GBE1: variants seen among roughly 807,000 people sequenced by gnomAD.
The protein encoded by GBE1 is 1,4-alpha-glucan-branching enzyme.
In GBE1, 70 loss-of-function variants were observed where a neutral mutation model predicts 88.8. The ratio of observed to expected loss-of-function variants is 0.79; its 90% confidence interval spans 0.65 to 0.96. GBE1 has a LOEUF of 0.96. Among genes scored for constraint, GBE1 ranks in the 40% least tolerant of loss-of-function variants. GBE1 has a pLI of 0.00. For missense variants in GBE1, 872 were observed against 871.0 expected, an observed-to-expected ratio of 1.00 and a Z score of -0.01; for synonymous variants, 284 against 300.1, an observed-to-expected ratio of 0.95 and a Z score of 0.56.
chr3:81,524,344 A>T (rs1334511570), intron 14 of GBE1, among the ~76,000 whole-genome samples: 1 of 151,596 alleles, frequency 6.6e-6, no homozygotes, highest in East Asian at 1.9e-4. Context: ...AGATTATTAA[A>T]TTTTTTCCTA....
At position 81,490,084 on chromosome 3, in the gene GBE1, A is replaced by C; in HGVS notation, c.*323T>G. The C allele has an allele frequency of 3.8e-6, 1 of 264,744 alleles. No homozygotes were observed. The highest frequency in any genetic ancestry group is 7.1e-6 in the Non-Finnish European group (1 of 140,854). The allele number at this position is 264,744 out of a possible 1,614,324, so 16.4% of individuals were successfully genotyped here. On this transcript the variant is annotated 3_prime_UTR_variant, in exon 16 of 16. Transcript: ENST00000429644. ...ATAATCATACATGACAAATGATTCAAATTTGAATTTAAAAGGATCAAATAA... is the reference window on the plus strand; with the variant it reads ...ATAATCATACATGACAAATGATTCACATTTGAATTTAAAAGGATCAAATAA...
Position 81,663,571 on chromosome 3 carries a change from G to C in GBE1, c.429+7267C>G, listed in dbSNP as rs543715656. Among the ~76,000 whole-genome samples, 124 of 152,282 alleles carry C rather than the reference G, an allele frequency of 8.1e-4. 1 individual carries two copies. The South Asian group carries it at 0.02, about 24-fold the overall frequency. On this transcript the variant is annotated intron_variant, in intron 3 of 15. Coordinates refer to ENST00000429644, the MANE Select transcript of GBE1 (RefSeq NM_000158.4). The stretch of plus-strand genomic sequence containing the variant: ...ACCTTGCATTCATTCTCCAAGCCCA[G>C]ATGTGATCCTATTCTTCCAGTATAC...
At chr3:81,729,560 A>G (rs1395299023) in intron 1 of GBE1, among the ~76,000 whole-genome samples, 1 of 152,214 alleles carries the variant, frequency 6.6e-6, no homozygotes, top group East Asian at 1.9e-4. Flanking sequence ...TTGGGAAGAA[A>G]GTAACTTAGA....
chr3:81,707,997 T>A (rs1388081916), intron 1 of GBE1, among the ~76,000 whole-genome samples: 1 of 152,044 alleles, frequency 6.6e-6, no homozygotes, highest in African/African-American at 2.4e-5. Flanking sequence ...TAATCACGTA[T>A]AACAAATAAC....
intron 2 of GBE1, among the ~76,000 whole-genome samples, chr3:81,676,650 T>G (rs1705259117): frequency 6.6e-6 from 1 of 152,132 alleles, no homozygotes; most frequent in South Asian, 2.1e-4. Flanking sequence ...TTTATTTTCT[T>G]TTTTATTTTA....
intron 11 of GBE1, among the ~76,000 whole-genome samples, chr3:81,579,561 C>T (rs1559651156): frequency 6.6e-6 from 1 of 152,068 alleles, no homozygotes; most frequent in Non-Finnish European, 1.5e-5. Flanking sequence ...TGGGAATTCA[C>T]TATGTGCTGC....
intron 7 of GBE1, among the ~76,000 whole-genome samples, chr3:81,615,070 T>A (rs766931032): frequency 1.2e-4 from 18 of 152,184 alleles, no homozygotes; most frequent in Non-Finnish European, 2.2e-4. Context: ...AGAATCTATT[T>A]GAAAATGTAT....
rs149271563 is a variant in GBE1 at position 81,663,351 on chromosome 3, C to T, written c.429+7487G>A. On this transcript the variant is annotated intron_variant, in intron 3 of 15. Transcript: ENST00000429644. Reference sequence around the variant, plus strand: ...CGTAAGCAGCTGGAAGGCAGGAGGACGCGGAGGGGGCACGCCAGCTGAAGA... The same window carrying T: ...CGTAAGCAGCTGGAAGGCAGGAGGATGCGGAGGGGGCACGCCAGCTGAAGA... Among the ~76,000 whole-genome samples the T allele has an allele frequency of 2.3e-3, 355 of 152,246 alleles. 2 individuals carry two copies. Among genetic ancestry groups the T allele is most frequent in the African/African-American group, 8.2e-3 (342 of 41,562 alleles).
chr3:81,750,577 GTATATATATACGTATATA>G (rs1706492659), intron 1 of GBE1, among the ~76,000 whole-genome samples: 2 of 35,220 alleles, frequency 5.7e-5, no homozygotes, highest in Admixed American at 7.0e-4. Flanking sequence ...ATATATATAC[GTATATATATACGTATATA>G]TATATGTGTA....
intron 15 of GBE1, among the ~76,000 whole-genome samples, chr3:81,498,816 T>C (rs924888193): frequency 6.6e-6 from 1 of 152,132 alleles, no homozygotes; most frequent in South Asian, 2.1e-4. Context: ...ATGTTCATAA[T>C]TGAAAGAAAA....
intron 1 of GBE1, chr3:81,743,564 T>C (rs1200964520): frequency 1.3e-6 from 2 of 1,534,630 alleles, no homozygotes; most frequent in Non-Finnish European, 8.7e-7. Context: ...CACCTCACTT[T>C]AGCAAGATTC....
At chr3:81,557,174 T>C (rs563021130) in intron 12 of GBE1, among the ~76,000 whole-genome samples, 2 of 152,164 alleles carry the variant, frequency 1.3e-5, no homozygotes, top group South Asian at 4.1e-4. Context: ...TAACCATTAA[T>C]TTTTGCTGTC....
intron 6 of GBE1, among the ~76,000 whole-genome samples, chr3:81,644,550 C>G (rs72906226): frequency 0.089 from 13,513 of 152,158 alleles, 1,184 homozygotes; most frequent in African/African-American, 0.22. Context: ...AGAAGCACAT[C>G]AAGTGAGGCC....
intron 7 of GBE1, among the ~76,000 whole-genome samples, chr3:81,620,150 C>G (rs145798460): frequency 4.6e-4 from 70 of 150,992 alleles, no homozygotes; most frequent in Non-Finnish European, 5.9e-4. Context: ...TATATGACAG[C>G]ATGAGAAGGT....
At chr3:81,604,144 A>G (rs1704070442) in intron 7 of GBE1, among the ~76,000 whole-genome samples, 1 of 152,180 alleles carries the variant, frequency 6.6e-6, no homozygotes, top group Admixed American at 6.5e-5. Context: ...ACATAATCAT[A>G]AATTATTGTC....
rs538907986 is a variant in GBE1 at position 81,507,703 on chromosome 3, TTTG to T, written c.1935-8479_1935-8477del. On this transcript the variant is annotated intron_variant, in intron 14 of 15. Coordinates refer to ENST00000429644, the MANE Select transcript of GBE1 (RefSeq NM_000158.4). Reference sequence around the variant, plus strand: ...ATATATATATGTGTATATATATATATTTGTTGTTATTAGATTACCTTAAAATTT... The same window carrying T: ...ATATATATATGTGTATATATATATATTTGTTATTAGATTACCTTAAAATTT... Among the ~76,000 whole-genome samples, 117 of 152,082 alleles carry T rather than the reference TTTG, an allele frequency of 7.7e-4. 1 individual carries two copies. In the Middle Eastern group the frequency reaches 0.014, roughly 18 times the overall value.
rs377496485 is a variant in GBE1, at chr3:81,593,933, G to A, written c.1083C>T (p.Ser361=). The change falls in exon 8 of 16, where the codon TCC becomes TCT. Residue 361 remains serine (S), a synonymous_variant. Coordinates refer to ENST00000429644, the MANE Select transcript of GBE1 (RefSeq NM_000158.4). ...CCACTCCATGGTGATGATAAAGCAT[G>A]GACGTAACACCATCAAAACGAAATC... is the stretch of plus-strand genomic sequence containing the variant. ...FDGFRFDGVT[S]MLYHHHGVGQ... The A allele has an allele frequency of 1.3e-6, 2 of 1,571,520 alleles. No homozygotes were observed. The highest frequency in any genetic ancestry group is 2.7e-5 in the African/African-American group (2 of 73,934).
At chr3:81,557,436 C>T (rs1323031568) in intron 12 of GBE1, among the ~76,000 whole-genome samples, 1 of 147,960 alleles carries the variant, frequency 6.8e-6, no homozygotes, top group Non-Finnish European at 1.5e-5. Flanking sequence ...TGGTTAATTA[C>T]CAGAATAATG....
At chr3:81,654,308 G>A (rs926760628) in intron 3 of GBE1, among the ~76,000 whole-genome samples, 1 of 151,468 alleles carries the variant, frequency 6.6e-6, no homozygotes, top group African/African-American at 2.4e-5. Context: ...AACAGTAAAT[G>A]TTGAAGACAA....
Sources: allele counts gnomAD v4.1 joint callset (sites outside exome capture counted in the v4.1 genomes callset), GRCh38; gene constraint gnomAD v4.1.1; transcripts MANE v1.5; gene names NCBI Gene and HGNC (gene_info 2026-07-23, HGNC 2026-07-21).